TRIM2: variants seen among roughly 807,000 people sequenced by gnomAD.
TRIM2 encodes the protein tripartite motif containing 2.
In TRIM2, 20 loss-of-function variants were observed where a neutral mutation model predicts 75.2. That is an observed-to-expected ratio of 0.27 (90% CI 0.19 to 0.39). The LOEUF (loss-of-function observed/expected upper bound fraction) is 0.39. Ranked by LOEUF, TRIM2 falls within the 10% of genes least tolerant of loss-of-function variation. The pLI is 1.00. For missense variants in TRIM2, 660 were observed against 990.8 expected (o/e 0.67, Z 4.48); for synonymous variants, 373 against 388.3 (o/e 0.96, Z 0.46).
At chr4:153,222,305 C>T (rs1012483871) in intron 1 of TRIM2, 1 of 152,002 alleles carries the variant, frequency 6.6e-6, no homozygotes, top group South Asian at 2.1e-4. Flanking sequence ...CTCTCTCAGC[C>T]CCGTCAAGCT....
At chr4:153,279,711 G>A (rs1758811869) in intron 3 of TRIM2, among the ~76,000 whole-genome samples, 1 of 152,152 alleles carries the variant, frequency 6.6e-6, no homozygotes, top group Non-Finnish European at 1.5e-5. Flanking sequence ...GGGAGGCCGA[G>A]ACAGGTGGAT....
At chr4:153,292,186 C>T (rs1263427666) in intron 3 of TRIM2, among the ~76,000 whole-genome samples, 2 of 152,182 alleles carry the variant, frequency 1.3e-5, no homozygotes, top group Non-Finnish European at 1.5e-5. Flanking sequence ...GAATTTTCCA[C>T]AGGCTATGTG....
intron 1 of TRIM2, among the ~76,000 whole-genome samples, chr4:153,228,919 C>T (rs766845703): frequency 2.6e-5 from 4 of 152,082 alleles, no homozygotes; most frequent in South Asian, 4.1e-4. Flanking sequence ...AGTAACCTCA[C>T]GTATAAAGCA....
intron 1 of TRIM2, among the ~76,000 whole-genome samples, chr4:153,260,661 C>T (rs554007611): frequency 1.4e-5 from 2 of 143,060 alleles, no homozygotes; most frequent in Admixed American, 7.0e-5. Flanking sequence ...TGCCTTCCCC[C>T]CAAAACACAC....
intron 1 of TRIM2, among the ~76,000 whole-genome samples, chr4:153,156,113 A>G (rs1261284980): frequency 6.6e-6 from 1 of 152,232 alleles, no homozygotes; most frequent in South Asian, 2.1e-4. Flanking sequence ...TTGCTGAACA[A>G]AACACCCCAG....
intron 6 of TRIM2, among the ~76,000 whole-genome samples, chr4:153,297,060 G>C (rs1292311311): frequency 2.0e-5 from 3 of 152,154 alleles, no homozygotes; most frequent in Non-Finnish European, 2.9e-5. Context: ...GCAGGAGAGG[G>C]ATAGATAACA....
chr4:153,220,340 T>C (rs2149747483), intron 1 of TRIM2, among the ~76,000 whole-genome samples: 2 of 151,994 alleles, frequency 1.3e-5, no homozygotes, highest in South Asian at 2.1e-4. Flanking sequence ...GAGAGACAGG[T>C]TGTTATAGAA....
chr4:153,245,349 T>C (rs747492399), intron 1 of TRIM2, among the ~76,000 whole-genome samples: 6 of 152,276 alleles, frequency 3.9e-5, no homozygotes, highest in Non-Finnish European at 7.3e-5. Context: ...TGTGTCTTAA[T>C]GTCCAGACAG....
chr4:153,318,093 G>C (rs144436426), intron 8 of TRIM2, among the ~76,000 whole-genome samples: 7 of 152,334 alleles, frequency 4.6e-5, no homozygotes, highest in African/African-American at 1.7e-4. Context: ...AAAAAATGAA[G>C]TCTTGTTTGG....
At chr4:153,296,257 C>T (rs1175569553) in intron 6 of TRIM2, among the ~76,000 whole-genome samples, 1 of 152,198 alleles carries the variant, frequency 6.6e-6, no homozygotes, top group Non-Finnish European at 1.5e-5. Flanking sequence ...CTCCCTACTC[C>T]CTCCTTTCTC....
At position 153,248,984 on chromosome 4, in the gene TRIM2, G is replaced by A. The variant is rs575441279; in HGVS notation, c.31-21351G>A. Among the ~76,000 whole-genome samples the A allele has an allele frequency of 4.3e-4, 66 of 152,368 alleles. No individual in the cohort carries two copies. The highest frequency in any genetic ancestry group is 3.4e-3 in the Middle Eastern group (1 of 294). ...CAGGGTTAGCAGGCAAAGAGCTGTG[G>A]ACCCCGGACACGGGAAAAGGCCACA... On this transcript the variant is annotated intron_variant, in intron 1 of 11. Transcript: ENST00000338700. The surrounding 1 kb of genome is among the most constrained non-coding windows in gnomAD (Gnocchi z 4.0).
At chr4:153,250,123 T>G (rs1290334305) in intron 1 of TRIM2, among the ~76,000 whole-genome samples, 1 of 152,046 alleles carries the variant, frequency 6.6e-6, no homozygotes, top group African/African-American at 2.4e-5. Context: ...TTTTTTTCTT[T>G]TCTTTTCTTT....
chr4:153,279,195 G>A (rs1455841), intron 3 of TRIM2, among the ~76,000 whole-genome samples: 13,074 of 152,192 alleles, frequency 0.086, 730 homozygotes, highest in Middle Eastern at 0.14. Context: ...GGAAGACAGC[G>A]TGAATTTCAG....
chr4:153,306,734 G>A (rs1414595038), intron 6 of TRIM2, among the ~76,000 whole-genome samples: 1 of 152,172 alleles, frequency 6.6e-6, no homozygotes, highest in African/African-American at 2.4e-5. Flanking sequence ...AGGCCATACT[G>A]GCTTATTCAG....
chr4:153,157,933 G>T (rs1729388216), intron 1 of TRIM2, among the ~76,000 whole-genome samples: 1 of 152,192 alleles, frequency 6.6e-6, no homozygotes, highest in Non-Finnish European at 1.5e-5. Context: ...CTTTGCACTG[G>T]CACCTGGAAT....
At chr4:153,261,692 C>T (rs971679458) in intron 1 of TRIM2, among the ~76,000 whole-genome samples, 5 of 152,300 alleles carry the variant, frequency 3.3e-5, no homozygotes, top group South Asian at 2.1e-4. Context: ...TCCAGAAGAG[C>T]GATTTAACTT....
At chr4:153,270,210 G>A (rs1157191527) in intron 1 of TRIM2, 125 bp from the exon 2 acceptor site, 2 of 1,133,662 alleles carry the variant, frequency 1.8e-6, no homozygotes, top group Non-Finnish European at 2.5e-6. Flanking sequence ...TTACAGGCAT[G>A]AGCCACCACA....
Position 153,339,084 on chromosome 4 carries a change from T to C in TRIM2, c.*4118T>C. ...ATTGATACTGATATATTCTCGTCATTTGTTCTTTTATGAATCAAAATGTTG... is the reference window on the plus strand; with the variant it reads ...ATTGATACTGATATATTCTCGTCATCTGTTCTTTTATGAATCAAAATGTTG... On this transcript the variant is annotated 3_prime_UTR_variant, in exon 12 of 12. Coordinates refer to ENST00000338700, the MANE Select transcript of TRIM2 (RefSeq NM_015271.5). 2.0e-6 allele frequency: 2 copies of C among 985,850 alleles called. No individual in the cohort carries two copies. Among genetic ancestry groups the C allele is most frequent in the Non-Finnish European group, 2.4e-6 (2 of 829,912 alleles). 61.1% of individuals were successfully genotyped at this position (985,850 alleles called of 1,614,324 possible). A position where few individuals can be genotyped will look rare whatever the true frequency, so the allele number is the denominator to read the frequency against.
chr4:153,208,809 TCTAGATGATG>T (rs1182736271), intron 1 of TRIM2, among the ~76,000 whole-genome samples: 1 of 152,184 alleles, frequency 6.6e-6, no homozygotes, highest in East Asian at 1.9e-4. Flanking sequence ...GATGGAGGTT[TCTAGATGATG>T]CTCCAGAGGA....
Sources: allele counts gnomAD v4.1 joint callset (sites outside exome capture counted in the v4.1 genomes callset), GRCh38; gene constraint gnomAD v4.1.1; non-coding constraint Gnocchi (gnomAD v3.1); transcripts MANE v1.5; gene names NCBI Gene and HGNC (gene_info 2026-07-23, HGNC 2026-07-21).